GLIS3: variants seen among roughly 807,000 people sequenced by gnomAD.
GLIS3 encodes the protein zinc finger protein GLIS3.
Under a neutral mutation model 78.6 loss-of-function variants are expected in GLIS3, and 53 were observed. The observed-to-expected ratio is 0.67, with a 90% CI of 0.54 to 0.85. The LOEUF is 0.85. Among genes scored for constraint, GLIS3 ranks in the 40% least tolerant of loss-of-function variants. GLIS3 has a pLI of 0.00. For missense variants in GLIS3, 1,703 were observed against 1,231.1 expected (o/e 1.38, Z -5.74); for synonymous variants, 684 against 509.9 (o/e 1.34, Z -4.60).
At chr9:4,207,701 G>A (rs1487430852) in intron 2 of GLIS3, among the ~76,000 whole-genome samples, 1 of 152,174 alleles carries the variant, frequency 6.6e-6, no homozygotes, top group Non-Finnish European at 1.5e-5. Context: ...GCAGGAGAGA[G>A]AGGATATACT....
intron 2 of GLIS3, among the ~76,000 whole-genome samples, chr9:4,226,085 A>C (rs1165682573): frequency 6.6e-6 from 1 of 152,192 alleles, no homozygotes; most frequent in African/African-American, 2.4e-5. Context: ...TTTTCCTTTA[A>C]TCAACTTCAA....
intron 2 of GLIS3, among the ~76,000 whole-genome samples, chr9:4,221,716 T>A (rs1044689749): frequency 6.6e-6 from 1 of 152,142 alleles, no homozygotes; most frequent in Non-Finnish European, 1.5e-5. Flanking sequence ...AGATAACATA[T>A]GGAAACACAT....
chr9:3,841,387 G>A (rs1818705211), intron 9 of GLIS3, among the ~76,000 whole-genome samples: 2 of 152,178 alleles, frequency 1.3e-5, no homozygotes, highest in African/African-American at 4.8e-5. Flanking sequence ...AGCCAGCTCT[G>A]CCATGTACTA....
At chr9:4,397,686 GA>G in the GLIS3 span, among the ~76,000 whole-genome samples, 2 of 13,968 alleles carry the variant, frequency 1.4e-4, no homozygotes, top group Admixed American at 5.3e-4. Context: ...GGAAGGGAGG[GA>G]GGGAGGGAGG....
the GLIS3 span, among the ~76,000 whole-genome samples, chr9:4,373,145 C>T: frequency 7.2e-5 from 11 of 152,294 alleles, no homozygotes; most frequent in African/African-American, 2.6e-4. Context: ...TTGTGATTTC[C>T]CCATCTCAAA....
chr9:4,137,045 A>G (rs1166791369), intron 2 of GLIS3, among the ~76,000 whole-genome samples: 5 of 152,202 alleles, frequency 3.3e-5, no homozygotes, highest in African/African-American at 1.2e-4. Context: ...GATGGGGAGA[A>G]AGGCTGGAGG....
chr9:4,261,925 C>A (rs1587203044), intron 2 of GLIS3, among the ~76,000 whole-genome samples: 1 of 152,198 alleles, frequency 6.6e-6, no homozygotes, highest in East Asian at 1.9e-4. Flanking sequence ...GTAATACTGT[C>A]TCCAAAGAGG....
chr9:3,869,266 GGTGTGTGTGTGT>G (rs58818313), intron 8 of GLIS3, among the ~76,000 whole-genome samples: 10 of 151,202 alleles, frequency 6.6e-5, no homozygotes, highest in South Asian at 4.2e-4. Context: ...AATTATCTAG[GGTGTGTGTGTGT>G]GTGTGTGTGT....
In GLIS3 at chr9:3,879,459, A is replaced by T; in HGVS notation, c.2265T>A (p.Pro755=). The T allele has an allele frequency of 6.2e-7, 1 of 1,614,078 alleles. No individual in the cohort carries two copies. Among genetic ancestry groups the T allele is most frequent in the South Asian group, 1.1e-5 (1 of 91,066 alleles). Residue 755 remains proline, a synonymous_variant, in exon 8 of 11, where the codon CCT becomes CCA. Transcript: ENST00000381971. ...GSPHNPSSQL[P]PLTAVDAGAE... is the part of the protein sequence containing the mutation. Reference sequence around the variant, plus strand: ...CTCCTGCGTCCACAGCTGTGAGTGGAGGTAACTGGGAGGAGGGGTTGTGAG... The same window carrying T: ...CTCCTGCGTCCACAGCTGTGAGTGGTGGTAACTGGGAGGAGGGGTTGTGAG...
chr9:4,070,342 T>A (rs372707863), intron 4 of GLIS3, among the ~76,000 whole-genome samples: 28 of 152,140 alleles, frequency 1.8e-4, no homozygotes, highest in Admixed American at 1.8e-3. Flanking sequence ...AGTAAGCAAA[T>A]TGACAAAGAC....
rs562674389 is a variant in GLIS3 at position 3,945,285 on chromosome 9, A to G, written c.1711-8096T>C. Among the ~76,000 whole-genome samples, 14 of 152,366 alleles carry G rather than the reference A, an allele frequency of 9.2e-5. 1 individual carries two copies. In the South Asian group the frequency reaches 2.9e-3, roughly 32 times the overall value. ...TATAATATATGAGCATAATACTTCT[A>G]TGAAATATAAAGCGTACAAATAAAA... On this transcript the variant is annotated intron_variant, in intron 4 of 10. Coordinates refer to ENST00000381971, the MANE Select transcript of GLIS3 (RefSeq NM_001042413.2).
At chr9:4,469,728 A>G in the GLIS3 span, among the ~76,000 whole-genome samples, 8 of 152,212 alleles carry the variant, frequency 5.3e-5, no homozygotes, top group Admixed American at 5.2e-4. Flanking sequence ...TAAAAGAACT[A>G]GAGAGGCAAG....
At chr9:4,326,022 C>A (rs796222147) in intron 2 of GLIS3, among the ~76,000 whole-genome samples, 22 of 152,220 alleles carry the variant, frequency 1.4e-4, no homozygotes, top group African/African-American at 5.3e-4. Flanking sequence ...CAAGTACACA[C>A]TGTGGGGAAC....
In GLIS3 at chr9:4,202,311, T is replaced by G. The variant is rs187501924; in HGVS notation, c.389-76370A>C. Among the ~76,000 whole-genome samples the G allele has an allele frequency of 9.5e-3, 1,443 of 151,312 alleles. 23 individuals are homozygous for G. Among genetic ancestry groups the G allele is most frequent in the African/African-American group, 0.034 (1,390 of 41,356 alleles). On this transcript the variant is annotated intron_variant, in intron 2 of 10. Transcript: ENST00000381971. ...GACTACAGGCGCCCGCCACCATGCC[T>G]GGCTAATTTTTTTGTATTTTTAGTA...
intron 8 of GLIS3, among the ~76,000 whole-genome samples, chr9:3,856,771 C>A (rs1478460400): frequency 3.3e-5 from 5 of 152,176 alleles, no homozygotes; most frequent in Admixed American, 3.3e-4. Context: ...CCCACGAAAT[C>A]TGCGTGGGCT....
intron 8 of GLIS3, among the ~76,000 whole-genome samples, chr9:3,867,728 TGCGTGC>T (rs1185367012): frequency 0.17 from 8,432 of 48,880 alleles, 266 homozygotes; most frequent in Middle Eastern, 0.26. Flanking sequence ...TGTGTGTGTG[TGCGTGC>T]GTGTGTGTGT....
intron 9 of GLIS3, among the ~76,000 whole-genome samples, chr9:3,851,194 G>A (rs1819411490): frequency 6.6e-6 from 1 of 152,136 alleles, no homozygotes; most frequent in Admixed American, 6.5e-5. Flanking sequence ...TGATCCATTA[G>A]TCCAGTAACA....
chr9:4,455,051 C>G, the GLIS3 span, among the ~76,000 whole-genome samples: 1 of 152,006 alleles, frequency 6.6e-6, no homozygotes, highest in South Asian at 2.1e-4. Context: ...TTTCCAGAGT[C>G]CTGGGTGGAT....
At chr9:4,175,508 T>A (rs1816735525) in intron 2 of GLIS3, among the ~76,000 whole-genome samples, 1 of 152,312 alleles carries the variant, frequency 6.6e-6, no homozygotes, top group South Asian at 2.1e-4. Flanking sequence ...TATATATCCT[T>A]TGAGACACAC....
Sources: gnomAD v4.1 joint callset for allele counts (sites outside exome capture counted in the v4.1 genomes callset) on GRCh38, gnomAD v4.1.1 for gene constraint, MANE v1.5 for transcripts, NCBI Gene and HGNC (gene_info 2026-07-23, HGNC 2026-07-21) for gene names.